SEC14L6: variants seen among roughly 807,000 people sequenced by gnomAD.
The protein encoded by SEC14L6 is SEC14 like lipid binding 6, also known as SEC14-like protein 6.
A neutral mutation model predicts 54.1 loss-of-function variants in SEC14L6; 40 were observed. The ratio of observed to expected loss-of-function variants is 0.74; its 90% confidence interval spans 0.57 to 0.96. SEC14L6 has a LOEUF of 0.96. SEC14L6 is among the 40% of genes least tolerant of loss of function. The pLI is 0.00. For synonymous variants in SEC14L6, 171 were observed against 198.4 expected (o/e 0.86, Z 1.16); for missense variants, 471 against 498.3 (o/e 0.95, Z 0.52).
chr22:30,532,109 A>G (rs1936997540), intron 5 of SEC14L6, 111 bp from the exon 6 acceptor site: 2 of 1,464,202 alleles, frequency 1.4e-6, no homozygotes, highest in Admixed American at 5.3e-5. Context: ...TCAGCTCTGC[A>G]TGGCACAGAG....
chr22:30,530,103 T>G (rs1254497951), intron 6 of SEC14L6, among the ~76,000 whole-genome samples: 1 of 151,754 alleles, frequency 6.6e-6, no homozygotes, highest in Non-Finnish European at 1.5e-5. Context: ...TAGGGAATGG[T>G]TTTTTTTAAA....
intron 5 of SEC14L6, chr22:30,532,239 G>C (rs1937002349): frequency 1.0e-6 from 1 of 985,490 alleles, no homozygotes. Flanking sequence ...CTTCGGTCCA[G>C]TGGGGCTGAA....
intron 5 of SEC14L6, 165 bp downstream of exon 5, chr22:30,532,360 G>T: frequency 1.1e-6 from 1 of 904,294 alleles, no homozygotes; most frequent in Non-Finnish European, 1.3e-6. Context: ...GCCACATACT[G>T]TGTGGCCTTG....
At chr22:30,539,311 A>T (rs1265121309) in intron 1 of SEC14L6, among the ~76,000 whole-genome samples, 1 of 152,158 alleles carries the variant, frequency 6.6e-6, no homozygotes, top group East Asian at 1.9e-4. Flanking sequence ...CAGGAGGCGG[A>T]GGTTGCAGTG....
In SEC14L6 at chr22:30,532,426, G is replaced by GAGGAGCCCAGGAGCCC. The variant is rs924520485; in HGVS notation, c.423+83_423+98dup. 2.2e-6 allele frequency: 3 copies of GAGGAGCCCAGGAGCCC among 1,364,678 alleles called. No homozygotes were observed. In the African/African-American group the frequency reaches 4.4e-5, roughly 20 times the overall value. The allele number at this position is 1,364,678 out of a possible 1,614,324, so 84.5% of individuals were successfully genotyped here. On this transcript the variant is annotated intron_variant, in intron 5 of 11. Coordinates refer to ENST00000402034, the MANE Select transcript of SEC14L6 (RefSeq NM_001193336.4). ...TCACTCCACAGTACCAGGAGGAGCC[G>GAGGAGCCCAGGAGCCC]AGGAGCCCAGGAGCCCAGGAAGGCA...
At chr22:30,540,201 T>C (rs762056649) in intron 1 of SEC14L6, among the ~76,000 whole-genome samples, 19 of 152,246 alleles carry the variant, frequency 1.2e-4, no homozygotes, top group Middle Eastern at 3.4e-3. Context: ...ATTATACCAA[T>C]TCGCTAAGTG....
rs773969166 is a variant in SEC14L6, at chr22:30,528,422, C to CCTTTTTTTTTTTTTTTTT, written c.664+664_664+665insAAAAAAAAAAAAAAAAAG. Among the ~76,000 whole-genome samples the CCTTTTTTTTTTTTTTTTT allele has an allele frequency of 2.8e-5, 3 of 105,536 alleles. 1 individual carries two copies. The highest frequency in any genetic ancestry group is 1.2e-4 in the African/African-American group (3 of 25,066). 69.2% of individuals were successfully genotyped at this position (105,536 alleles called of 152,430 possible). ...AGGCGTGAACCACCGCGCTCGGCCT[C>CCTTTTTTTTTTTTTTTTT]TTTTTTTTTTTTTTTTTTTGAGATA... On this transcript the variant is annotated intron_variant, in intron 8 of 11. Transcript: ENST00000402034.
rs1468251831 is a variant in SEC14L6 at position 30,524,041 on chromosome 22, A to G, written c.*956T>C. The G allele has an allele frequency of 6.6e-6, 1 of 152,216 alleles. No homozygotes were observed. The highest frequency in any genetic ancestry group is 1.5e-5 in the Non-Finnish European group (1 of 68,058). The allele number at this position is 152,216 out of a possible 1,614,324, so 9.4% of individuals were successfully genotyped here. Reference sequence around the variant, plus strand: ...CTCCAGGCCACTATCCACCTGCTGTAATCACCCCAGGGCAAGATACCAGAC... The same window carrying G: ...CTCCAGGCCACTATCCACCTGCTGTGATCACCCCAGGGCAAGATACCAGAC... On this transcript the variant is annotated 3_prime_UTR_variant, in exon 12 of 12. Transcript: ENST00000402034.
chr22:30,535,483 G>A (rs933166159), intron 2 of SEC14L6, among the ~76,000 whole-genome samples: 2 of 152,152 alleles, frequency 1.3e-5, no homozygotes, highest in African/African-American at 4.8e-5. Flanking sequence ...AGAGAGTCTT[G>A]TTCCCTATAA....
chr22:30,546,443 C>T (rs1287123487), intron 1 of SEC14L6, among the ~76,000 whole-genome samples, 186 bp downstream of exon 1: 9 of 147,400 alleles, frequency 6.1e-5, no homozygotes, highest in Admixed American at 3.4e-4. Flanking sequence ...ATGTGGCTTG[C>T]GTTTGTGGTG....
rs1936676635 is a variant in SEC14L6 at position 30,523,677 on chromosome 22, G to A, written c.*1320C>T. On this transcript the variant is annotated 3_prime_UTR_variant, in exon 12 of 12. Transcript: ENST00000402034. ...CTGGCCAGTTTGAAATCTTAATCAG[G>A]AGATTGGATGAAGATCCAGAGCTCA... The A allele has an allele frequency of 6.6e-6, 1 of 152,106 alleles. No individual in the cohort carries two copies. The highest frequency in any genetic ancestry group is 6.6e-5 in the Admixed American group (1 of 15,246). 9.4% of individuals were successfully genotyped at this position (152,106 alleles called of 1,614,324 possible).
At chr22:30,538,335 CAAAAA>C (rs112815330) in intron 2 of SEC14L6, among the ~76,000 whole-genome samples, 1 of 92,940 alleles carries the variant, frequency 1.1e-5, no homozygotes, top group Admixed American at 1.1e-4. Flanking sequence ...TCCGTCTCAA[CAAAAA>C]AAAAAAAAAA....
intron 6 of SEC14L6, among the ~76,000 whole-genome samples, chr22:30,529,754 T>C (rs1936908173): frequency 6.6e-6 from 1 of 152,182 alleles, no homozygotes; most frequent in African/African-American, 2.4e-5. Flanking sequence ...TAGTGCCGAT[T>C]CTTGACAGAT....
At chr22:30,541,424 C>T (rs1352732397) in intron 1 of SEC14L6, among the ~76,000 whole-genome samples, 1 of 152,138 alleles carries the variant, frequency 6.6e-6, no homozygotes, top group Non-Finnish European at 1.5e-5. Flanking sequence ...TTTGGGAAGC[C>T]GAGGTGGGTG....
chr22:30,526,914 A>G (rs1288931886), intron 8 of SEC14L6, among the ~76,000 whole-genome samples: 2 of 152,054 alleles, frequency 1.3e-5, no homozygotes, highest in Non-Finnish European at 2.9e-5. Context: ...TGGGTAACAT[A>G]GTAAAGACAT....
chr22:30,528,950 C>A, intron 8 of SEC14L6, 137 bp downstream of exon 8: 1 of 715,576 alleles, frequency 1.4e-6, no homozygotes, highest in East Asian at 2.8e-5. Flanking sequence ...GCCCACCTGG[C>A]AGCCCACCAG....
chr22:30,533,211 A>C, intron 3 of SEC14L6: 1 of 946,884 alleles, frequency 1.1e-6, no homozygotes, highest in East Asian at 1.2e-4. Context: ...ATACCCCCCT[A>C]CAAGGCCTGC....
At position 30,538,073 on chromosome 22, in the gene SEC14L6, C is replaced by T. The variant is rs116859751; in HGVS notation, c.130+754G>A. ...GATGGAATTTGGCCAGACGAGATGG[C>T]TCATGCCTGTAATCCCAGCACTTTG... is the stretch of plus-strand genomic sequence containing the variant. On this transcript the variant is annotated intron_variant, in intron 2 of 11. Transcript: ENST00000402034. Among the ~76,000 whole-genome samples, 64 of 152,278 alleles carry T rather than the reference C, an allele frequency of 4.2e-4. 1 individual carries two copies. The East Asian group carries it at 0.01, about 25-fold the overall frequency.
intron 1 of SEC14L6, among the ~76,000 whole-genome samples, chr22:30,539,476 G>A (rs753968424): frequency 6.6e-6 from 1 of 152,190 alleles, no homozygotes; most frequent in Non-Finnish European, 1.5e-5. Context: ...TGGGGGCAGG[G>A]AGGGGCCCTC....
Sources: gnomAD v4.1 joint callset for allele counts (sites outside exome capture counted in the v4.1 genomes callset) on GRCh38, gnomAD v4.1.1 for gene constraint, MANE v1.5 for transcripts, NCBI Gene and HGNC (gene_info 2026-07-23, HGNC 2026-07-21) for gene names.